Variants in OFD1 observed in about 807,000 individuals in gnomAD.
OFD1 encodes the protein centriole and centriolar satellite protein OFD1.
A neutral mutation model predicts 81.4 loss-of-function variants in OFD1; 12 were observed. The observed-to-expected ratio is 0.15, with a 90% CI of 0.09 to 0.24. The LOEUF (loss-of-function observed/expected upper bound fraction) is 0.24, where lower values mean the gene tolerates loss of function less well. Among genes scored for constraint, OFD1 ranks in the 10% least tolerant of loss-of-function variants. The pLI, the probability that OFD1 is intolerant of heterozygous loss-of-function variation, is 1.00. For missense variants in OFD1, 685 were observed against 733.9 expected, an observed-to-expected ratio of 0.93 and a Z score of 0.77; for synonymous variants, 256 against 263.7, an observed-to-expected ratio of 0.97 and a Z score of 0.28.
intron 19 of OFD1, among the ~76,000 whole-genome samples, chrX:13,764,624 C>T (rs2048056777): frequency 8.9e-6 from 1 of 112,304 alleles, no homozygotes; most frequent in Non-Finnish European, 1.9e-5. Context: ...AAAGCCACCT[C>T]TTAGTCCCTC....
At chrX:13,759,807 G>A (rs2047857351) in intron 15 of OFD1, among the ~76,000 whole-genome samples, 1 of 112,468 alleles carries the variant, frequency 8.9e-6, no homozygotes, top group African/African-American at 3.2e-5. Context: ...ATGAGTTCAA[G>A]TCTGGTTGGG....
intron 5 of OFD1, chrX:13,739,296 C>CAAAAAA: frequency 9.0e-6 from 1 of 111,389 alleles, no homozygotes; most frequent in Non-Finnish European, 1.5e-5. Context: ...AATATTTCTG[C>CAAAAAA]AAAAAAAAAA....
upstream of OFD1, chrX:13,734,618 C>G: frequency 1.2e-6 from 1 of 808,883 alleles, no homozygotes; most frequent in Non-Finnish European, 1.5e-6. Context: ...AAGCAGTTCT[C>G]GCGATACCCT....
the OFD1 span, chrX:13,721,350 A>C: frequency 8.9e-6 from 1 of 112,374 alleles, no homozygotes; most frequent in Admixed American, 9.4e-5. Context: ...ACTTATGAGG[A>C]TCACACAATC....
At chrX:13,716,339 CTT>C in the OFD1 span, 1 of 574,368 alleles carries the variant, frequency 1.7e-6, no homozygotes, top group South Asian at 3.2e-5. Flanking sequence ...GTGTATGAGA[CTT>C]AGTTTTAAAA....
At chrX:13,769,913 T>G (rs771618997), downstream of OFD1, among the ~76,000 whole-genome samples, 5 of 112,247 alleles carry the variant, frequency 4.5e-5, no homozygotes, top group Non-Finnish European at 7.5e-5. Context: ...ACATTTCTGG[T>G]CTTTGTAAGT....
At chrX:13,741,195 C>T (rs1378719609) in intron 5 of OFD1, among the ~76,000 whole-genome samples, 1 of 111,761 alleles carries the variant, frequency 8.9e-6, no homozygotes, top group Non-Finnish European at 1.9e-5. Context: ...TTCAGAAAGA[C>T]ATCTGGCCGA....
At chrX:13,761,347 A>T in intron 17 of OFD1, 136 bp downstream of exon 17, 1 of 642,124 alleles carries the variant, frequency 1.6e-6, no homozygotes, top group Non-Finnish European at 2.4e-6. Flanking sequence ...ATTTGCAATC[A>T]GATTGCAAAA....
At chrX:13,719,338 T>TG in the OFD1 span, among the ~76,000 whole-genome samples, 1 of 110,210 alleles carries the variant, frequency 9.1e-6, no homozygotes, top group African/African-American at 3.3e-5. Flanking sequence ...GCAAGTTGGG[T>TG]GGTATCACCT....
At chrX:13,770,056 A>G (rs1348382274), downstream of OFD1, among the ~76,000 whole-genome samples, 3 of 111,649 alleles carry the variant, frequency 2.7e-5, no homozygotes, top group Admixed American at 9.5e-5. Context: ...CTCCTTCCCT[A>G]TAATTGACTT....
chrX:13,751,051 A>G (rs1217774546), intron 9 of OFD1, among the ~76,000 whole-genome samples, 198 bp from the exon 10 acceptor site: 4 of 111,922 alleles, frequency 3.6e-5, no homozygotes, highest in East Asian at 2.8e-4. Context: ...AGCACAGTCA[A>G]TTCTGCTAGT....
At chrX:13,754,994 T>G (rs1436312893) in intron 11 of OFD1, among the ~76,000 whole-genome samples, 157 bp from the exon 12 acceptor site, 1 of 112,600 alleles carries the variant, frequency 8.9e-6, no homozygotes, top group Non-Finnish European at 1.9e-5. Flanking sequence ...CATCACCTGT[T>G]GGGTAACAGG....
At chrX:13,719,235 C>A in the OFD1 span, among the ~76,000 whole-genome samples, 1 of 74,292 alleles carries the variant, frequency 1.3e-5, no homozygotes, top group Admixed American at 1.7e-4. Flanking sequence ...ATATATGGTC[C>A]ATTTCCTTGT....
rs1279460829 is a variant in OFD1, at chrX:13,757,751, A to G, written c.1503A>G (p.Glu501=). The change falls in exon 14 of 23, where the codon GAA becomes GAG. Residue 501 remains glutamate, a synonymous_variant. Transcript: ENST00000340096. The stretch of plus-strand genomic sequence containing the variant: ...TAGTGGTTGAGCATGAGGAGTTCGA[A>G]AGCTGCAGGCAAGCTCTGCACAAAC... The part of the protein sequence containing the change: ...KAIVVEHEEF[E]SCRQALHKQL... 8.3e-7 allele frequency: 1 copy of G among 1,211,506 alleles called. No homozygotes were observed. The highest frequency in any genetic ancestry group is 1.7e-5 in the African/African-American group (1 of 57,778).
chrX:13,734,159 T>C (rs1044739685), upstream of OFD1: 2 of 503,832 alleles, frequency 4.0e-6, no homozygotes, highest in African/African-American at 4.7e-5. Flanking sequence ...ACATCTTTGG[T>C]TGTCACACTT....
At chrX:13,716,640 A>G in the OFD1 span, 35 of 1,210,618 alleles carry the variant, frequency 2.9e-5, 1 homozygote, top group South Asian at 6.2e-4. Context: ...GGTCGAGAGC[A>G]GCATGAGCTA....
intron 19 of OFD1, 88 bp downstream of exon 19, chrX:13,763,943 A>G: frequency 1.4e-6 from 1 of 718,162 alleles, no homozygotes; most frequent in Non-Finnish European, 2.2e-6. Context: ...TGTATCACTG[A>G]AGTCATCTTG....
rs753128919 is a variant in OFD1 at position 13,760,226 on chromosome X, T to C, written c.1766T>C (p.Phe589Ser). 5.0e-6 allele frequency: 6 copies of C among 1,210,031 alleles called. No individual in the cohort carries two copies. The highest frequency in any genetic ancestry group is 6.7e-6 in the Non-Finnish European group (6 of 895,293). ...TGCAATGGTGAGATAAGTGGGGATT[T>C]CTTGAACAATCCTTTTAAACAGGAA... is the stretch of plus-strand genomic sequence containing the variant. ...VPCNGEISGD[F>S]LNNPFKQENV... The change falls in exon 16 of 23, where the codon TTC becomes TCC. Residue 589 changes from phenylalanine (F) to serine (S), a missense_variant. Physicochemically the swap from Phe to Ser is radical, Grantham distance 155. Coordinates refer to ENST00000340096, the MANE Select transcript of OFD1 (RefSeq NM_003611.3).
intron 10 of OFD1, 57 bp from the exon 11 acceptor site, chrX:13,753,311 A>C (rs760241683): frequency 8.3e-7 from 1 of 1,206,567 alleles, no homozygotes; most frequent in East Asian, 3.0e-5. Context: ...CTGCACTGAT[A>C]ACAGTCTTTC....
Sources: allele counts gnomAD v4.1 joint callset (sites outside exome capture counted in the v4.1 genomes callset), GRCh38; gene constraint gnomAD v4.1.1; transcripts MANE v1.5; gene names NCBI Gene and HGNC (gene_info 2026-07-23, HGNC 2026-07-21).